SLC11A1: variants seen among roughly 807,000 people sequenced by gnomAD.
SLC11A1 encodes solute carrier family 11 member 1, also known as natural resistance-associated macrophage protein 1.
SLC11A1 carries 59 observed loss-of-function variants against 63.2 expected under a neutral mutation model. The ratio of observed to expected loss-of-function variants is 0.93; its 90% CI spans 0.76 to 1.16. The LOEUF is 1.16. Ranked by LOEUF, SLC11A1 falls within the 50% of genes most tolerant of loss-of-function variation. The pLI is 0.00. For missense variants in SLC11A1, 688 were observed against 730.7 expected (o/e 0.94, Z 0.67); for synonymous variants, 305 against 307.8 (o/e 0.99, Z 0.09).
At position 218,394,190 on chromosome 2, in the gene SLC11A1, G is replaced by T; in HGVS notation, c.1385G>T (p.Gly462Val). 1 of 1,614,044 alleles carries T rather than the reference G, an allele frequency of 6.2e-7. No homozygotes were observed. Among genetic ancestry groups the T allele is most frequent in the Non-Finnish European group, 8.5e-7 (1 of 1,179,950 alleles). ...ACCCTCATGCAGGAGTTTGCCAATG[G>T]CCTGTGAGTACCCCCTTTCCCAAGT... ...MPTLMQEFAN[G>V]LLNKVVTSSI... Residue 462 changes from glycine (G) to valine (V), a missense_variant, in exon 13 of 15, where the codon GGC becomes GTC. Coordinates refer to ENST00000233202, the MANE Select transcript of SLC11A1 (RefSeq NM_000578.4).
At chr2:218,393,447 ATAGGTGC>A (rs1425376366) in intron 12 of SLC11A1, among the ~76,000 whole-genome samples, 1 of 149,630 alleles carries the variant, frequency 6.7e-6, no homozygotes, top group African/African-American at 2.5e-5. Flanking sequence ...AGCAGGGACT[ATAGGTGC>A]ATGCCATCAC....
In SLC11A1 at chr2:218,384,445, T is replaced by C. The variant is rs1258016656; in HGVS notation, c.273+80T>C. ...AAGTGTTGAAGGCCCCTGCTGGCCA[T>C]GTTTCTCCAATGTGGCCTGGGAGCT... On this transcript the variant is annotated intron_variant, in intron 3 of 14. Coordinates refer to ENST00000233202, the MANE Select transcript of SLC11A1 (RefSeq NM_000578.4). This position sits in a 1 kb window ranked among gnomAD's most constrained non-coding sequence, Gnocchi z 4.0. The C allele has an allele frequency of 2.7e-6, 4 of 1,499,996 alleles. No homozygotes were observed. Among genetic ancestry groups the C allele is most frequent in the Non-Finnish European group, 3.6e-6 (4 of 1,104,826 alleles). The allele number at this position is 1,499,996 out of a possible 1,614,324, so 92.9% of individuals were successfully genotyped here.
At chr2:218,386,604 C>T (rs1036595261) in intron 4 of SLC11A1, 31 bp from the exon 5 acceptor site, 16 of 1,509,700 alleles carry the variant, frequency 1.1e-5, no homozygotes, top group Non-Finnish European at 1.4e-5. Flanking sequence ...AACCGGCCCA[C>T]CCTTAATGAA....
At position 218,396,665 on chromosome 2, in the gene SLC11A1, C is replaced by T. The variant is rs1391909252; in HGVS notation, c.*1630C>T. On this transcript the variant is annotated 3_prime_UTR_variant, in exon 15 of 15. Transcript: ENST00000233202. ...CCTGGGCAAGAGGGCCGCCCGCCTC[C>T]TCTGGGTTTGGCACTGGAGAAGATG... The T allele has an allele frequency of 2.0e-5, 3 of 152,854 alleles. No homozygotes were observed. The highest frequency in any genetic ancestry group is 6.5e-5 in the Admixed American group (1 of 15,284). The allele number at this position is 152,854 out of a possible 1,614,324, so 9.5% of individuals were successfully genotyped here.
At chr2:218,383,305 G>A (rs924896514) in intron 2 of SLC11A1, 11 of 577,084 alleles carry the variant, frequency 1.9e-5, no homozygotes, top group Non-Finnish European at 3.0e-5. Context: ...GTCTAAAAGC[G>A]ATTAAATGAC....
In SLC11A1 at chr2:218,395,360, C is replaced by T. The variant is rs1284635545; in HGVS notation, c.*325C>T. On this transcript the variant is annotated 3_prime_UTR_variant, in exon 15 of 15. Coordinates refer to ENST00000233202, the MANE Select transcript of SLC11A1 (RefSeq NM_000578.4). ...AGCACCTGCAGGCGTGACCTGACAG[C>T]CCAAGGGTGGGTGGGGTGAGGGCTT... The T allele has an allele frequency of 1.1e-5, 3 of 273,528 alleles. No homozygotes were observed. The highest frequency in any genetic ancestry group is 4.9e-5 in the Admixed American group (1 of 20,312). 16.9% of individuals were successfully genotyped at this position (273,528 alleles called of 1,614,324 possible). A position where few individuals can be genotyped will look rare whatever the true frequency, so the allele number is the denominator to read the frequency against.
chr2:218,387,943 G>T lies in SLC11A1; in HGVS notation c.783G>T (p.Ser261=), dbSNP rs140073354. The change falls in exon 8 of 15, where the codon TCG becomes TCT. Residue 261 remains serine (S), a synonymous_variant. Transcript: ENST00000233202. The part of the protein sequence containing the change: ...IIMPHNIYLH[S]ALVKSREIDR... ...TGCCCCACAACATCTACCTGCACTC[G>T]GCCCTGGTCAAGGTGAGCAGAGGGG... The T allele has an allele frequency of 4.4e-6, 7 of 1,608,262 alleles. No homozygotes were observed. The East Asian group carries it at 1.6e-4, about 36-fold the overall frequency.
At chr2:218,385,287 C>A in intron 4 of SLC11A1, 21 bp downstream of exon 4, 1 of 1,613,548 alleles carries the variant, frequency 6.2e-7, no homozygotes, top group South Asian at 1.1e-5. Flanking sequence ...GGGGCCTGGA[C>A]AGGGAGAACC....
rs1329274641 is a variant in SLC11A1 at position 218,391,233 on chromosome 2, C to T, written c.990C>T (p.Tyr330=). 54 of 1,613,874 alleles carry T rather than the reference C, an allele frequency of 3.3e-5. No homozygotes were observed. The highest frequency in any genetic ancestry group is 1.6e-4 in the Middle Eastern group (1 of 6,084). ...NICANSSLHD[Y]AKIFPMNNAT... ...GTGCCAACAGCAGCCTCCACGACTA[C>T]GCCAAGATCTTCCCCATGAACAACG... is the stretch of plus-strand genomic sequence containing the variant. Residue 330 remains tyrosine, a synonymous_variant, in exon 10 of 15, where the codon TAC becomes TAT. Transcript: ENST00000233202.
In SLC11A1 at chr2:218,387,678, T is replaced by C. The variant is rs775446179; in HGVS notation, c.639+46T>C. ...CCCCACTGTGGACCTCCCAAGATCATTCCTCTCCCTTCCCTCTGGCCGCGG... is the reference window on the plus strand; with the variant it reads ...CCCCACTGTGGACCTCCCAAGATCACTCCTCTCCCTTCCCTCTGGCCGCGG... On this transcript the variant is annotated intron_variant, in intron 7 of 14. Transcript: ENST00000233202. 4 of 1,612,464 alleles carry C rather than the reference T, an allele frequency of 2.5e-6. No homozygotes were observed. The Admixed American group carries it at 6.7e-5, about 27-fold the overall frequency.
rs1217043450 is a variant in SLC11A1 at position 218,382,297 on chromosome 2, A to G, written c.-72A>G. The G allele has an allele frequency of 8.9e-6, 14 of 1,578,824 alleles. No homozygotes were observed. The highest frequency in any genetic ancestry group is 6.7e-5 in the African/African-American group (5 of 74,278). On this transcript the variant is annotated 5_prime_UTR_variant, in exon 1 of 15. Transcript: ENST00000233202. ...CACACTTACTTGCACCAGTGCCCAG[A>G]GAGGGGGTGCAGGCTGAGGAGCTGC...
rs1695979661 is a variant in SLC11A1, at chr2:218,384,638, T to G, written c.273+273T>G. The G allele has an allele frequency of 6.5e-6, 1 of 154,574 alleles. No individual in the cohort carries two copies. The highest frequency in any genetic ancestry group is 1.4e-5 in the Non-Finnish European group (1 of 69,732). 9.6% of individuals were successfully genotyped at this position (154,574 alleles called of 1,614,324 possible). On this transcript the variant is annotated intron_variant, in intron 3 of 14. Coordinates refer to ENST00000233202, the MANE Select transcript of SLC11A1 (RefSeq NM_000578.4). This position sits in a 1 kb window ranked among gnomAD's most constrained non-coding sequence, Gnocchi z 4.0. ...TTTTTTGAGACTCAGTCTCACTCGG[T>G]CACCCAGGCTGGAGTGCAGTGGCAC...
chr2:218,392,887 C>G (rs967319284), intron 11 of SLC11A1, 94 bp from the exon 12 acceptor site: 2 of 1,031,382 alleles, frequency 1.9e-6, no homozygotes, highest in Admixed American at 5.7e-5. Flanking sequence ...GAGCATGCCC[C>G]CAGGGATAAA....
Position 218,394,194 on chromosome 2 carries a change from G to A in SLC11A1, c.1388+1G>A. The A allele has an allele frequency of 1.9e-6, 3 of 1,614,040 alleles. No individual in the cohort carries two copies. Among genetic ancestry groups the A allele is most frequent in the South Asian group, 2.2e-5 (2 of 91,080 alleles). The stretch of plus-strand genomic sequence containing the variant: ...TCATGCAGGAGTTTGCCAATGGCCT[G>A]TGAGTACCCCCTTTCCCAAGTGCTG... On this transcript the variant is annotated splice_donor_variant, in intron 13 of 14. Transcript: ENST00000233202. LOFTEE classifies it high-confidence loss of function.
intron 11 of SLC11A1, chr2:218,392,769 G>GT (rs1696524406): frequency 2.1e-6 from 1 of 484,694 alleles, no homozygotes; most frequent in East Asian, 3.6e-5. Flanking sequence ...CCCCAAAACT[G>GT]TTTAGTCTTC....
chr2:218,392,164 G>A (rs1049619012), intron 11 of SLC11A1: 2 of 354,488 alleles, frequency 5.6e-6, no homozygotes, highest in African/African-American at 4.5e-5. Flanking sequence ...TCCACCTCCT[G>A]GGTTCAAGCA....
chr2:218,390,001 C>G lies in SLC11A1; in HGVS notation c.927C>G (p.Ala309=). The change falls in exon 9 of 15, where the codon GCC becomes GCG. Residue 309 remains alanine (A), a synonymous_variant. Transcript: ENST00000233202. The stretch of plus-strand genomic sequence containing the variant: ...TTGTCATGGCTGTCTTTGGGCAGGC[C>G]TTCTACCAGAAAACCAACCAGGCTG... ...NLFVMAVFGQ[A]FYQKTNQAAF... 3 of 1,613,044 alleles carry G rather than the reference C, an allele frequency of 1.9e-6. No homozygotes were observed. The highest frequency in any genetic ancestry group is 1.1e-5 in the South Asian group (1 of 91,010).
chr2:218,383,229 G>A (rs1695900211), intron 2 of SLC11A1, 127 bp downstream of exon 2: 9 of 1,049,488 alleles, frequency 8.6e-6, no homozygotes, highest in Non-Finnish European at 1.2e-5. Flanking sequence ...AGCAGCAGTG[G>A]TGGACAGTGG....
At chr2:218,389,031 G>A (rs1574770901) in intron 8 of SLC11A1, among the ~76,000 whole-genome samples, 1 of 152,054 alleles carries the variant, frequency 6.6e-6, no homozygotes, top group East Asian at 1.9e-4. Flanking sequence ...TGAGGCTTGA[G>A]CCCTGGAGGT....
Sources: gnomAD v4.1 joint callset for allele counts (sites outside exome capture counted in the v4.1 genomes callset) on GRCh38, gnomAD v4.1.1 for gene constraint, Gnocchi (gnomAD v3.1) non-coding constraint, MANE v1.5 for transcripts, NCBI Gene and HGNC (gene_info 2026-07-23, HGNC 2026-07-21) for gene names.